CADM2: variants seen among roughly 807,000 people sequenced by gnomAD.
The protein encoded by CADM2 is immunoglobulin superfamily member 4D.
CADM2 carries 12 observed loss-of-function variants against 49.8 expected under a neutral mutation model. The observed-to-expected ratio is 0.24, with a 90% CI of 0.15 to 0.39. The LOEUF is 0.39. CADM2 is among the 10% of genes least tolerant of loss of function. The probability of loss-of-function intolerance (pLI) is 1.00; values close to 1 mark genes in which losing one functional copy is unlikely to be tolerated. For synonymous variants in CADM2, 214 were observed against 175.4 expected (o/e 1.22, Z -1.74); for missense variants, 378 against 492.3 (o/e 0.77, Z 2.20).
chr3:85,508,833 GTGTA>G (rs916014085), intron 1 of CADM2, among the ~76,000 whole-genome samples: 6 of 53,214 alleles, frequency 1.1e-4, no homozygotes, highest in Admixed American at 2.6e-4. Flanking sequence ...ATCTCTGTGT[GTGTA>G]TGTGTGTGTG....
At chr3:85,222,743 A>G (rs2042070858) in intron 1 of CADM2, among the ~76,000 whole-genome samples, 1 of 152,178 alleles carries the variant, frequency 6.6e-6, no homozygotes, top group East Asian at 1.9e-4. Context: ...TGAACATTTA[A>G]CATATTGCTT....
rs367867520 is a variant in CADM2 at position 85,349,368 on chromosome 3, T to A, written c.62-377154T>A. On this transcript the variant is annotated intron_variant, in intron 1 of 9. Coordinates refer to ENST00000383699, the MANE Select transcript of CADM2 (RefSeq NM_001167675.2). ...ATGTGAACCTCAGTAAAACTGGAAT[T>A]GGGAGGTTAAATACAGATACTACCA... is the stretch of plus-strand genomic sequence containing the variant. Among the ~76,000 whole-genome samples the A allele has an allele frequency of 3.7e-4, 57 of 152,328 alleles. 1 individual carries two copies. Among genetic ancestry groups the A allele is most frequent in the East Asian group, 3.5e-3 (18 of 5,184 alleles).
intron 1 of CADM2, among the ~76,000 whole-genome samples, chr3:84,959,912 T>C (rs2030294289): frequency 6.6e-6 from 1 of 152,050 alleles, no homozygotes; most frequent in Non-Finnish European, 1.5e-5. Context: ...TGCCTTCTCA[T>C]TCACCTGAGC....
intron 5 of CADM2, among the ~76,000 whole-genome samples, chr3:85,889,429 CG>C (rs1714119827): frequency 6.6e-6 from 1 of 152,052 alleles, no homozygotes; most frequent in African/African-American, 2.4e-5. Context: ...AGCAGGCCCA[CG>C]GGGGAGCCTG....
intron 3 of CADM2, among the ~76,000 whole-genome samples, chr3:85,850,878 T>G (rs766654739): frequency 6.6e-5 from 10 of 152,188 alleles, no homozygotes; most frequent in Non-Finnish European, 1.5e-4. Flanking sequence ...ATATAGTCAC[T>G]CTGTCTTGCT....
intron 1 of CADM2, among the ~76,000 whole-genome samples, chr3:85,369,459 C>T (rs558781372): frequency 6.6e-6 from 1 of 152,202 alleles, no homozygotes; most frequent in African/African-American, 2.4e-5. Flanking sequence ...ATGGCGAAAC[C>T]CCATCTCTAC....
Position 85,660,440 on chromosome 3 carries a change from GTT to G in CADM2, c.62-66069_62-66068del, listed in dbSNP as rs10713157. On this transcript the variant is annotated intron_variant, in intron 1 of 9. Transcript: ENST00000383699. The stretch of plus-strand genomic sequence containing the variant: ...AATTTATTAGGCTTTTCGCTCTCCT[GTT>G]TTTTTTTTTTTTAGCTCAAAATGAA... Among the ~76,000 whole-genome samples the G allele has an allele frequency of 7.0e-3, 999 of 143,034 alleles. 6 individuals are homozygous for G. Among genetic ancestry groups the G allele is most frequent in the Middle Eastern group, 0.011 (3 of 280 alleles). The allele number at this position is 143,034 out of a possible 152,430, so 93.8% of individuals were successfully genotyped here. A position where few individuals can be genotyped will look rare whatever the true frequency, so the allele number is the denominator to read the frequency against.
At chr3:85,315,965 A>G (rs781586717) in intron 1 of CADM2, among the ~76,000 whole-genome samples, 2 of 152,088 alleles carry the variant, frequency 1.3e-5, no homozygotes, top group Non-Finnish European at 2.9e-5. Context: ...CATTTAAAAG[A>G]AAGAAGTAGT....
chr3:85,045,609 T>C (rs1379101256), intron 1 of CADM2, among the ~76,000 whole-genome samples: 1 of 152,000 alleles, frequency 6.6e-6, no homozygotes, highest in African/African-American at 2.4e-5. Flanking sequence ...TGTGTATATT[T>C]CACAGATAAA....
intron 1 of CADM2, among the ~76,000 whole-genome samples, chr3:85,104,449 A>G (rs1174202654): frequency 3.3e-5 from 5 of 152,156 alleles, no homozygotes; most frequent in Non-Finnish European, 5.9e-5. Context: ...TGGTACCAGT[A>G]CCATGCTGTT....
At chr3:85,201,163 T>C (rs2041491050) in intron 1 of CADM2, among the ~76,000 whole-genome samples, 1 of 152,178 alleles carries the variant, frequency 6.6e-6, no homozygotes, top group Non-Finnish European at 1.5e-5. Flanking sequence ...CATGGTACTT[T>C]AATACTACAA....
intron 1 of CADM2, among the ~76,000 whole-genome samples, chr3:85,442,589 TA>T (rs2037257591): frequency 1.6e-3 from 3 of 1,856 alleles, no homozygotes; most frequent in African/African-American, 2.1e-3. Context: ...TATATATGAG[TA>T]TATATATATA....
intron 1 of CADM2, among the ~76,000 whole-genome samples, chr3:85,200,508 G>C (rs747108582): frequency 2.0e-5 from 3 of 152,064 alleles, no homozygotes; most frequent in African/African-American, 7.2e-5. Flanking sequence ...TATGAATACA[G>C]TGATCATGAA....
intron 5 of CADM2, among the ~76,000 whole-genome samples, chr3:85,903,407 T>A (rs937002203): frequency 6.6e-6 from 1 of 152,124 alleles, no homozygotes; most frequent in African/African-American, 2.4e-5. Context: ...TCTTAGATTT[T>A]GTTTACCTGA....
intron 1 of CADM2, among the ~76,000 whole-genome samples, chr3:85,510,960 G>T (rs2040588061): frequency 6.6e-6 from 1 of 151,960 alleles, no homozygotes; most frequent in South Asian, 2.1e-4. Context: ...ATTTCCAAGG[G>T]TTATACAAGA....
chr3:85,390,586 G>A (rs1316896853), intron 1 of CADM2, among the ~76,000 whole-genome samples: 1 of 151,972 alleles, frequency 6.6e-6, no homozygotes, highest in African/African-American at 2.4e-5. Context: ...TACTTCACAA[G>A]CGTTTCCTCT....
chr3:85,929,816 A>C (rs1016352848), intron 6 of CADM2, among the ~76,000 whole-genome samples: 1 of 152,048 alleles, frequency 6.6e-6, no homozygotes. Context: ...TATTTCTAGA[A>C]TATTATTGAT....
chr3:85,694,865 G>A (rs1559597584), intron 1 of CADM2, among the ~76,000 whole-genome samples: 1 of 152,028 alleles, frequency 6.6e-6, no homozygotes, highest in Non-Finnish European at 1.5e-5. Context: ...GGGAGTCTGA[G>A]ACAGAAGAAT....
At chr3:85,617,771 G>A (rs2063839166) in intron 1 of CADM2, among the ~76,000 whole-genome samples, 1 of 152,092 alleles carries the variant, frequency 6.6e-6, no homozygotes, top group Admixed American at 6.6e-5. Flanking sequence ...CATCTCTTTG[G>A]AGATTCTAAG....
Sources: allele counts gnomAD v4.1 joint callset (sites outside exome capture counted in the v4.1 genomes callset), GRCh38; gene constraint gnomAD v4.1.1; transcripts MANE v1.5; gene names NCBI Gene and HGNC (gene_info 2026-07-23, HGNC 2026-07-21).